The following CEP128 variants were observed in gnomAD, a reference collection of about 807,000 sequenced individuals.
CEP128 encodes the protein centrosomal protein 128kDa.
Under a neutral mutation model 156.7 loss-of-function variants are expected in CEP128, and 132 were observed. The observed-to-expected ratio is 0.84, with a 90% CI of 0.73 to 0.97. CEP128 has a LOEUF of 0.97. Ranked by LOEUF, CEP128 falls within the 50% of genes least tolerant of loss-of-function variation. The pLI is 0.00. For synonymous variants in CEP128, 469 were observed against 448.9 expected, an observed-to-expected ratio of 1.04 and a Z score of -0.57; for missense variants, 1,252 against 1,281.9, an observed-to-expected ratio of 0.98 and a Z score of 0.36.
chr14:80,892,038 A>G (rs932578387), intron 8 of CEP128, among the ~76,000 whole-genome samples: 4 of 151,906 alleles, frequency 2.6e-5, no homozygotes, highest in Admixed American at 1.3e-4. Context: ...TCAAAATCCT[A>G]ATGGCATTCC....
intron 19 of CEP128, among the ~76,000 whole-genome samples, chr14:80,652,919 G>A (rs117339862): frequency 0.012 from 1,848 of 152,244 alleles, 23 homozygotes; most frequent in Middle Eastern, 0.031. Context: ...GTTCATAACA[G>A]CAAAGACTTG....
Position 80,574,710 on chromosome 14 carries a change from G to A in CEP128, c.2856+5664C>T, listed in dbSNP as rs377531241. ...GAAGGTATATTCTATTTTTTTCCTCGAAAGACTGTGTTGCCATAGGCTACT... is the reference window on the plus strand; with the variant it reads ...GAAGGTATATTCTATTTTTTTCCTCAAAAGACTGTGTTGCCATAGGCTACT... On this transcript the variant is annotated intron_variant, in intron 20 of 24. Transcript: ENST00000555265. 3.6e-4 allele frequency among the ~76,000 whole-genome samples: 55 copies of A among 151,878 alleles called. No individual in the cohort carries two copies. In the South Asian group the frequency reaches 1.0e-2, roughly 28 times the overall value.
intron 4 of CEP128, among the ~76,000 whole-genome samples, chr14:80,907,052 C>T (rs1372647770): frequency 2.0e-5 from 3 of 152,202 alleles, no homozygotes; most frequent in South Asian, 4.2e-4. Flanking sequence ...ACACCATTTA[C>T]GGGGAGAACA....
At chr14:80,644,021 G>A (rs1294522653) in intron 19 of CEP128, among the ~76,000 whole-genome samples, 1 of 152,136 alleles carries the variant, frequency 6.6e-6, no homozygotes, top group Non-Finnish European at 1.5e-5. Flanking sequence ...AGATTTAGAC[G>A]CAAAGACACA....
intron 20 of CEP128, among the ~76,000 whole-genome samples, chr14:80,573,102 T>G (rs1253391698): frequency 6.6e-6 from 1 of 151,824 alleles, no homozygotes; most frequent in Non-Finnish European, 1.5e-5. Context: ...TTTTTTTTTT[T>G]TTAGTAGAGA....
upstream of CEP128, chr14:80,941,892 C>G (rs1886181054): frequency 6.6e-6 from 1 of 152,384 alleles, no homozygotes; most frequent in Non-Finnish European, 1.5e-5. Flanking sequence ...AGCTGGCCTT[C>G]GGGTAACTTT....
chr14:80,480,024 T>C (rs1887020077), intron 14 of CEP128, among the ~76,000 whole-genome samples: 1 of 152,222 alleles, frequency 6.6e-6, no homozygotes, highest in Non-Finnish European at 1.5e-5. Context: ...CTCCACTCTG[T>C]GGCTTTGCAG....
chr14:80,926,016 C>T (rs1243255332), intron 2 of CEP128, among the ~76,000 whole-genome samples: 1 of 152,174 alleles, frequency 6.6e-6, no homozygotes, highest in Non-Finnish European at 1.5e-5. Flanking sequence ...CCTGATCCTA[C>T]CTCACAGGGG....
chr14:80,729,339 T>C (rs1013551255), intron 19 of CEP128, among the ~76,000 whole-genome samples: 2 of 151,802 alleles, frequency 1.3e-5, no homozygotes. Context: ...TGAATGCCAT[T>C]ATTTCATTGC....
At chr14:80,637,227 C>G (rs1029113189) in intron 19 of CEP128, among the ~76,000 whole-genome samples, 1 of 152,036 alleles carries the variant, frequency 6.6e-6, no homozygotes, top group Admixed American at 6.6e-5. Context: ...AATTTTGGCC[C>G]CCAAAGATAC....
At position 80,587,024 on chromosome 14, in the gene CEP128, T is replaced by C. The variant is rs1046306822; in HGVS notation, c.2807-6601A>G. Among the ~76,000 whole-genome samples the C allele has an allele frequency of 1.1e-4, 16 of 151,736 alleles. 1 individual carries two copies. The highest frequency in any genetic ancestry group is 3.6e-4 in the African/African-American group (15 of 41,160). ...AATAGTGCTTGGTATATAAGAAGCA[T>C]TATATACGTATTAGCTCTCAGTATT... is the stretch of plus-strand genomic sequence containing the variant. On this transcript the variant is annotated intron_variant, in intron 19 of 24. Transcript: ENST00000555265.
At chr14:80,547,309 T>C (rs141354951) in intron 21 of CEP128, among the ~76,000 whole-genome samples, 2 of 152,312 alleles carry the variant, frequency 1.3e-5, no homozygotes, top group Non-Finnish European at 2.9e-5. Flanking sequence ...AAGGTAAATA[T>C]GAGATTTGAT....
intron 8 of CEP128, among the ~76,000 whole-genome samples, chr14:80,864,290 C>A (rs1328050854): frequency 6.6e-6 from 1 of 152,072 alleles, no homozygotes; most frequent in Non-Finnish European, 1.5e-5. Context: ...TATACTGTAT[C>A]CCCAGACTCT....
chr14:80,576,576 G>A (rs891398099), intron 20 of CEP128, among the ~76,000 whole-genome samples: 2 of 151,784 alleles, frequency 1.3e-5, no homozygotes, highest in African/African-American at 2.4e-5. Flanking sequence ...CCCCCCTGCC[G>A]TTTTATCCTT....
At chr14:80,548,169 CAG>C (rs1249567194) in intron 21 of CEP128, among the ~76,000 whole-genome samples, 1 of 151,990 alleles carries the variant, frequency 6.6e-6, no homozygotes, top group Non-Finnish European at 1.5e-5. Context: ...AATTGAAATT[CAG>C]AGAGGTTAAA....
intron 19 of CEP128, among the ~76,000 whole-genome samples, chr14:80,597,131 C>G (rs1309876210): frequency 6.6e-6 from 1 of 151,820 alleles, no homozygotes; most frequent in African/African-American, 2.4e-5. Context: ...AAACAATGAG[C>G]TGGTTCCTTA....
At chr14:80,683,592 C>T (rs760476883) in intron 19 of CEP128, among the ~76,000 whole-genome samples, 1 of 152,108 alleles carries the variant, frequency 6.6e-6, no homozygotes, top group Non-Finnish European at 1.5e-5. Flanking sequence ...AAATTCTAGA[C>T]TTAAATTCAA....
chr14:80,895,388 G>A (rs1006695536), intron 8 of CEP128, among the ~76,000 whole-genome samples: 75 of 152,108 alleles, frequency 4.9e-4, no homozygotes, highest in African/African-American at 1.8e-3. Context: ...AAAAACTACA[G>A]AAAAATCAGA....
At chr14:80,837,485 G>C (rs1393251264) in intron 11 of CEP128, among the ~76,000 whole-genome samples, 2 of 152,174 alleles carry the variant, frequency 1.3e-5, no homozygotes, top group Non-Finnish European at 2.9e-5. Context: ...TTGGGAGGCC[G>C]AGGTGGGGAA....
Sources: gnomAD v4.1 joint callset for allele counts (sites outside exome capture counted in the v4.1 genomes callset) on GRCh38, gnomAD v4.1.1 for gene constraint, MANE v1.5 for transcripts, NCBI Gene and HGNC (gene_info 2026-07-23, HGNC 2026-07-21) for gene names.